RHCG: variants seen among roughly 807,000 people sequenced by gnomAD.
RHCG encodes Rh family C glycoprotein, also known as ammonium transporter Rh type C.
A neutral mutation model predicts 55.3 loss-of-function variants in RHCG; 39 were observed. The observed-to-expected ratio is 0.70, with a 90% CI of 0.55 to 0.92. The LOEUF (loss-of-function observed/expected upper bound fraction) is 0.92, where lower values mean the gene tolerates loss of function less well. RHCG is among the 40% of genes least tolerant of loss of function. The pLI, the probability that RHCG is intolerant of heterozygous loss-of-function variation, is 0.00. For synonymous variants in RHCG, 250 were observed against 246.8 expected (o/e 1.01, Z -0.12); for missense variants, 635 against 627.9 (o/e 1.01, Z -0.12).
intron 1 of RHCG, among the ~76,000 whole-genome samples, chr15:89,494,638 T>C (rs1481671025): frequency 6.8e-6 from 1 of 146,166 alleles, no homozygotes; most frequent in African/African-American, 2.5e-5. Flanking sequence ...ATTTCTTTCT[T>C]TTTTTTTTTT....
chr15:89,486,260 G>A (rs1307261801), intron 2 of RHCG: 1 of 456,682 alleles, frequency 2.2e-6, no homozygotes, highest in Admixed American at 2.3e-5. Flanking sequence ...GCAAGGCAGG[G>A]AGAGAGGTAC....
At chr15:89,473,638 A>C (rs1481791432) in intron 9 of RHCG, among the ~76,000 whole-genome samples, 1 of 152,244 alleles carries the variant, frequency 6.6e-6, no homozygotes, top group African/African-American at 2.4e-5. Flanking sequence ...AAAAATAATA[A>C]AAACAAAAAA....
intron 1 of RHCG, among the ~76,000 whole-genome samples, chr15:89,492,811 G>A (rs937402517): frequency 1.3e-5 from 2 of 152,222 alleles, no homozygotes. Context: ...TTTCTAACAA[G>A]GTGCTGATAC....
At chr15:89,495,803 G>C (rs1961554858) in intron 1 of RHCG, among the ~76,000 whole-genome samples, 1 of 152,238 alleles carries the variant, frequency 6.6e-6, no homozygotes, top group Non-Finnish European at 1.5e-5. Flanking sequence ...TTTGTGGCAA[G>C]AGCCACGAGA....
chr15:89,486,595 AGAGAGTGTGTGTGTGT>A (rs1256218338), intron 2 of RHCG, 188 bp downstream of exon 2: 9 of 333,466 alleles, frequency 2.7e-5, no homozygotes, highest in East Asian at 2.5e-4. Flanking sequence ...AGAGAGAGAG[AGAGAGTGTGTGTGTGT>A]GTGTGTGTGT....
At chr15:89,481,561 C>T (rs900000253) in intron 3 of RHCG, among the ~76,000 whole-genome samples, 2 of 152,048 alleles carry the variant, frequency 1.3e-5, no homozygotes, top group Non-Finnish European at 2.9e-5. Flanking sequence ...TGATGTGGGA[C>T]CCAGCTTTGT....
intron 2 of RHCG, among the ~76,000 whole-genome samples, chr15:89,484,998 T>C (rs1006308258): frequency 6.6e-5 from 10 of 152,054 alleles, no homozygotes; most frequent in African/African-American, 2.4e-4. Context: ...CATCTCTGGA[T>C]CCACAAGGTC....
chr15:89,478,429 G>A (rs999338760), intron 5 of RHCG, among the ~76,000 whole-genome samples: 4 of 152,236 alleles, frequency 2.6e-5, no homozygotes, highest in African/African-American at 9.6e-5. Flanking sequence ...GCTGCTGGCT[G>A]TAGGGGTTAG....
At chr15:89,486,599 A>AGAGAGAGAGAGAGAGAGTGTGTGT in intron 2 of RHCG, 200 bp downstream of exon 2, 1 of 236,650 alleles carries the variant, frequency 4.2e-6, no homozygotes, top group Non-Finnish European at 8.0e-6. Context: ...AGAGAGAGAG[A>AGAGAGAGAGAGAGAGAGTGTGTGT]GTGTGTGTGT....
rs1171997669 is a variant in RHCG, at chr15:89,496,563, C to G, written c.-19G>C. On this transcript the variant is annotated 5_prime_UTR_variant, in exon 1 of 11. Transcript: ENST00000268122. ...AGGCCATGCTGCAGGGGTGCCTGGCCGGGCTGGCAGCGGGCGGTTCGGACG... is the reference window on the plus strand; with the variant it reads ...AGGCCATGCTGCAGGGGTGCCTGGCGGGGCTGGCAGCGGGCGGTTCGGACG... The G allele has an allele frequency of 1.2e-6, 2 of 1,601,116 alleles. No homozygotes were observed. The highest frequency in any genetic ancestry group is 2.3e-5 in the East Asian group (1 of 44,306).
At chr15:89,476,399 T>A (rs1470682321) in intron 9 of RHCG, among the ~76,000 whole-genome samples, 1 of 152,218 alleles carries the variant, frequency 6.6e-6, no homozygotes, top group Non-Finnish European at 1.5e-5. Flanking sequence ...CTGTAGGTGA[T>A]GCTGATGGTG....
chr15:89,486,207 C>T, intron 2 of RHCG: 1 of 455,186 alleles, frequency 2.2e-6, no homozygotes, highest in South Asian at 1.6e-5. Flanking sequence ...TGTCTCACAG[C>T]TGTTTCCAGC....
intron 1 of RHCG, among the ~76,000 whole-genome samples, chr15:89,493,833 C>A (rs1157116427): frequency 6.6e-6 from 1 of 152,174 alleles, no homozygotes; most frequent in African/African-American, 2.4e-5. Context: ...GACACTTCTC[C>A]GCTCTGGCCT....
chr15:89,492,091 C>T (rs62023060), intron 1 of RHCG, among the ~76,000 whole-genome samples: 10,013 of 152,010 alleles, frequency 0.066, 512 homozygotes, highest in South Asian at 0.23. Flanking sequence ...ACAAAGTTGA[C>T]CCTCAGTCTC....
chr15:89,492,253 G>T (rs1299331245), intron 1 of RHCG, among the ~76,000 whole-genome samples: 2 of 152,036 alleles, frequency 1.3e-5, no homozygotes. Flanking sequence ...CCCCAGCCCC[G>T]TTCTAGCTCC....
chr15:89,482,204 T>C (rs1961280733), intron 3 of RHCG, among the ~76,000 whole-genome samples: 1 of 152,246 alleles, frequency 6.6e-6, no homozygotes, highest in Non-Finnish European at 1.5e-5. Context: ...CTCAAAGTGC[T>C]GGGATTACAG....
chr15:89,483,607 A>C (rs1877652125), intron 2 of RHCG, among the ~76,000 whole-genome samples: 1 of 152,066 alleles, frequency 6.6e-6, no homozygotes, highest in Non-Finnish European at 1.5e-5. Flanking sequence ...CTCTTTCAGG[A>C]AGTCTTCCTG....
At chr15:89,489,973 G>C (rs1307823567) in intron 1 of RHCG, among the ~76,000 whole-genome samples, 2 of 152,230 alleles carry the variant, frequency 1.3e-5, no homozygotes, top group Admixed American at 6.5e-5. Context: ...GGTATTCCCA[G>C]CACCTAGGAG....
intron 9 of RHCG, among the ~76,000 whole-genome samples, chr15:89,474,855 TGCC>T (rs1961107444): frequency 7.3e-6 from 1 of 136,520 alleles, no homozygotes; most frequent in African/African-American, 2.8e-5. Flanking sequence ...CCTGCCTGCC[TGCC>T]TTCCTTCCTG....
Sources: gnomAD v4.1 joint callset for allele counts (sites outside exome capture counted in the v4.1 genomes callset) on GRCh38, gnomAD v4.1.1 for gene constraint, MANE v1.5 for transcripts, NCBI Gene and HGNC (gene_info 2026-07-23, HGNC 2026-07-21) for gene names.